CEP135: variants seen among roughly 807,000 people sequenced by gnomAD.
The protein encoded by CEP135 is centrosomal protein of 135 kDa.
CEP135 carries 142 observed loss-of-function variants against 157.3 expected under a neutral mutation model. The ratio of observed to expected loss-of-function variants is 0.90; its 90% confidence interval spans 0.79 to 1.04. The LOEUF (loss-of-function observed/expected upper bound fraction) is 1.04, where lower values mean the gene tolerates loss of function less well. Ranked by LOEUF, CEP135 falls within the 50% of genes least tolerant of loss-of-function variation. The pLI is 0.00. For synonymous variants in CEP135, 396 were observed against 439.8 expected, an observed-to-expected ratio of 0.90 and a Z score of 1.25; for missense variants, 1,317 against 1,309.2, an observed-to-expected ratio of 1.01 and a Z score of -0.09.
At chr4:55,952,433 C>T (rs1338918494) in intron 2 of CEP135, 190 bp downstream of exon 2, 8 of 435,472 alleles carry the variant, frequency 1.8e-5, no homozygotes, top group Non-Finnish European at 2.9e-5. Context: ...CCACCACTCA[C>T]GCTGTACTGT....
intron 17 of CEP135, 68 bp from the exon 18 acceptor site, chr4:56,008,259 A>G: frequency 8.9e-7 from 1 of 1,121,332 alleles, no homozygotes; most frequent in Non-Finnish European, 1.3e-6. Context: ...TATGAATATG[A>G]CAAGTTACAT....
intron 17 of CEP135, among the ~76,000 whole-genome samples, chr4:56,000,571 TG>T (rs1297832130): frequency 2.0e-5 from 3 of 152,212 alleles, no homozygotes. Context: ...CACCCACGTA[TG>T]GGTGAGAACA....
intron 11 of CEP135, among the ~76,000 whole-genome samples, chr4:55,976,982 T>TG (rs972566914): frequency 1.1e-4 from 16 of 151,822 alleles, no homozygotes; most frequent in African/African-American, 1.5e-4. Flanking sequence ...GCTTTTTTTT[T>TG]TTTTGTTTTT....
At chr4:55,977,183 A>G (rs962468500) in intron 11 of CEP135, among the ~76,000 whole-genome samples, 1 of 152,208 alleles carries the variant, frequency 6.6e-6, no homozygotes, top group South Asian at 2.1e-4. Flanking sequence ...AGATCATTCT[A>G]CAGCTGGATT....
intron 24 of CEP135, among the ~76,000 whole-genome samples, chr4:56,023,669 AAT>A (rs1260147206): frequency 1.4e-5 from 2 of 139,218 alleles, no homozygotes; most frequent in African/African-American, 5.1e-5. Flanking sequence ...ATAATATACT[AAT>A]ATAATATATA....
chr4:55,959,248 C>A lies in CEP135; in HGVS notation c.615-434C>A, dbSNP rs75914169. On this transcript the variant is annotated intron_variant, in intron 5 of 25. Transcript: ENST00000257287. Reference sequence around the variant, plus strand: ...AGGAATAGGTTTTTTGCTGTAGTTACATATGATCTTTTTTCCAGGGTTTCA... The same window carrying A: ...AGGAATAGGTTTTTTGCTGTAGTTAAATATGATCTTTTTTCCAGGGTTTCA... Among the ~76,000 whole-genome samples, 113 of 152,296 alleles carry A rather than the reference C, an allele frequency of 7.4e-4. 2 individuals carry two copies. The highest frequency in any genetic ancestry group is 2.6e-3 in the African/African-American group (108 of 41,550).
Position 56,019,484 on chromosome 4 carries a change from C to T in CEP135, c.3144C>T (p.His1048=), listed in dbSNP as rs762951287. ...ACAGAGATAAAGAATTTCATTCTCA[C>T]TTAACCTCCCACGAGAAGGATACAG... The part of the protein sequence containing the change: ...ATNRDKEFHS[H]LTSHEKDTEI... Residue 1048 remains histidine, a synonymous_variant, in exon 23 of 26, where the codon CAC becomes CAT. Transcript: ENST00000257287. 1 of 1,613,896 alleles carries T rather than the reference C, an allele frequency of 6.2e-7. No individual in the cohort carries two copies. Among genetic ancestry groups the T allele is most frequent in the South Asian group, 1.1e-5 (1 of 91,056 alleles).
At chr4:55,992,895 A>G (rs1473854365) in intron 15 of CEP135, among the ~76,000 whole-genome samples, 3 of 152,206 alleles carry the variant, frequency 2.0e-5, no homozygotes, top group Non-Finnish European at 4.4e-5. Flanking sequence ...AGTAGCTGCA[A>G]TAAGTAACAA....
intron 17 of CEP135, among the ~76,000 whole-genome samples, chr4:56,007,862 G>C (rs1406767267): frequency 6.6e-5 from 10 of 152,170 alleles, no homozygotes; most frequent in Non-Finnish European, 1.3e-4. Context: ...TCCTGGGATA[G>C]TGCTGATGAT....
rs547335005 is a variant in CEP135, at chr4:56,003,468, A to G, written c.2280+3823A>G. Among the ~76,000 whole-genome samples, 3 of 152,282 alleles carry G rather than the reference A, an allele frequency of 2.0e-5. No individual in the cohort carries two copies. The East Asian group carries it at 5.8e-4, about 29-fold the overall frequency. On this transcript the variant is annotated intron_variant, in intron 17 of 25. Transcript: ENST00000257287. ...ACTGATCCGCCCGCCTCGGCCTTCC[A>G]AAGTGCTGGGATTAGAGGTGTGAGC...
intron 11 of CEP135, among the ~76,000 whole-genome samples, chr4:55,976,055 G>C (rs1392844205): frequency 6.6e-6 from 1 of 152,012 alleles, no homozygotes; most frequent in Non-Finnish European, 1.5e-5. Flanking sequence ...TTCGAGACCA[G>C]TCTGGTCAAC....
chr4:56,017,751 C>T lies in CEP135; in HGVS notation c.2906C>T (p.Thr969Ile), dbSNP rs749230514. The T allele has an allele frequency of 1.1e-5, 17 of 1,613,716 alleles. No individual in the cohort carries two copies. The highest frequency in any genetic ancestry group is 1.4e-5 in the Non-Finnish European group (16 of 1,179,920). The change falls in exon 22 of 26, where the codon ACA becomes ATA. Residue 969 changes from threonine (T) to isoleucine (I), a missense_variant. Coordinates refer to ENST00000257287, the MANE Select transcript of CEP135 (RefSeq NM_025009.5). Reference sequence around the variant, plus strand: ...AGACATCAAGAAGATGAGAAAGCAACAGTATTAAATGACTTGTCATCTCTT... The same window carrying T: ...AGACATCAAGAAGATGAGAAAGCAATAGTATTAAATGACTTGTCATCTCTT... ...ELRHQEDEKA[T>I]VLNDLSSLRE...
At chr4:55,970,048 T>G (rs1468656622) in intron 9 of CEP135, among the ~76,000 whole-genome samples, 4 of 151,352 alleles carry the variant, frequency 2.6e-5, no homozygotes, top group African/African-American at 9.7e-5. Flanking sequence ...TTTTTTTTTT[T>G]TTTAGTAGAA....
chr4:55,969,799 A>G (rs1470574560), intron 9 of CEP135, among the ~76,000 whole-genome samples: 1 of 152,216 alleles, frequency 6.6e-6, no homozygotes, highest in Non-Finnish European at 1.5e-5. Flanking sequence ...GGAGTTAATT[A>G]CTTGAAATAT....
chr4:56,000,988 A>G (rs1730150286), intron 17 of CEP135, among the ~76,000 whole-genome samples: 2 of 151,976 alleles, frequency 1.3e-5, no homozygotes, highest in Non-Finnish European at 2.9e-5. Flanking sequence ...TTTAATTTGC[A>G]TTTCTCTGAT....
At chr4:55,996,097 A>T (rs1044694421) in intron 15 of CEP135, among the ~76,000 whole-genome samples, 1 of 152,142 alleles carries the variant, frequency 6.6e-6, no homozygotes, top group South Asian at 2.1e-4. Context: ...AGAAGTATTT[A>T]TTTTTTAAGG....
intron 25 of CEP135, among the ~76,000 whole-genome samples, chr4:56,028,367 G>A (rs564618871): frequency 3.3e-5 from 5 of 152,088 alleles, no homozygotes; most frequent in South Asian, 2.1e-4. Flanking sequence ...TCTCCACATC[G>A]TCACCAACAC....
chr4:55,982,220 G>A lies in CEP135; in HGVS notation c.1779+841G>A, dbSNP rs181272619. On this transcript the variant is annotated intron_variant, in intron 13 of 25. Coordinates refer to ENST00000257287, the MANE Select transcript of CEP135 (RefSeq NM_025009.5). ...ATCACTCGATATGTGATTTTTAAATGTCTGACTTCTCTCATTAGCATAATG... is the reference window on the plus strand; with the variant it reads ...ATCACTCGATATGTGATTTTTAAATATCTGACTTCTCTCATTAGCATAATG... 2.4e-3 allele frequency among the ~76,000 whole-genome samples: 366 copies of A among 152,252 alleles called. 1 individual carries two copies. Among genetic ancestry groups the A allele is most frequent in the African/African-American group, 7.5e-3 (311 of 41,542 alleles).
chr4:56,030,096 CAT>C (rs1468304695), intron 25 of CEP135, among the ~76,000 whole-genome samples: 1 of 152,120 alleles, frequency 6.6e-6, no homozygotes, highest in African/African-American at 2.4e-5. Flanking sequence ...CCTAGGCCCA[CAT>C]AGAGTCAGGA....
Sources: allele counts gnomAD v4.1 joint callset (sites outside exome capture counted in the v4.1 genomes callset), GRCh38; gene constraint gnomAD v4.1.1; transcripts MANE v1.5; gene names NCBI Gene and HGNC (gene_info 2026-07-23, HGNC 2026-07-21).